The following PCDH9 variants were observed in gnomAD, a reference collection of about 807,000 sequenced individuals.
PCDH9 encodes the protein protocadherin 9.
Under a neutral mutation model 70.6 loss-of-function variants are expected in PCDH9, and 24 were observed. The observed-to-expected ratio is 0.34, with a 90% CI of 0.25 to 0.48. PCDH9 has a LOEUF of 0.48. Among genes scored for constraint, PCDH9 ranks in the 20% least tolerant of loss-of-function variants. PCDH9 has a pLI of 0.99. For synonymous variants in PCDH9, 562 were observed against 558.5 expected, an observed-to-expected ratio of 1.01 and a Z score of -0.09; for missense variants, 1,281 against 1,503.6, an observed-to-expected ratio of 0.85 and a Z score of 2.45.
chr13:66,818,445 T>C (rs1394925015), intron 3 of PCDH9, among the ~76,000 whole-genome samples: 1 of 152,114 alleles, frequency 6.6e-6, no homozygotes, highest in Non-Finnish European at 1.5e-5. Context: ...AGAAAAAGTG[T>C]TTATACAGAA....
intron 2 of PCDH9, among the ~76,000 whole-genome samples, chr13:66,988,053 T>A (rs868721947): frequency 2.0e-5 from 3 of 151,804 alleles, no homozygotes; most frequent in Admixed American, 6.6e-5. Flanking sequence ...TGTGTGGCAC[T>A]ATGGTCAGCT....
intron 3 of PCDH9, among the ~76,000 whole-genome samples, chr13:66,825,649 A>G (rs1335574058): frequency 1.3e-5 from 2 of 152,144 alleles, no homozygotes; most frequent in Admixed American, 1.3e-4. Context: ...ACTTTTAAAA[A>G]CTGTAATACA....
chr13:66,687,329 A>G (rs867524658), intron 3 of PCDH9, among the ~76,000 whole-genome samples: 1 of 152,116 alleles, frequency 6.6e-6, no homozygotes, highest in Admixed American at 6.5e-5. Flanking sequence ...TGCTTCATCA[A>G]TGTCTACTGG....
intron 2 of PCDH9, among the ~76,000 whole-genome samples, chr13:66,946,777 A>T (rs1456477358): frequency 5.9e-5 from 9 of 152,194 alleles, no homozygotes; most frequent in African/African-American, 2.2e-4. Context: ...AAAAATTCTA[A>T]TAGAATTTTA....
chr13:66,857,358 C>T (rs973469235), intron 3 of PCDH9, among the ~76,000 whole-genome samples: 8 of 152,082 alleles, frequency 5.3e-5, no homozygotes, highest in African/African-American at 1.9e-4. Flanking sequence ...ACTGAAATCC[C>T]TTAGAAAATA....
At chr13:67,218,894 T>A (rs1197465657) in intron 2 of PCDH9, 1 of 152,060 alleles carries the variant, frequency 6.6e-6, no homozygotes, top group African/African-American at 2.4e-5. Context: ...ATTTAAAACG[T>A]GATATGTGCT....
chr13:66,503,902 A>C (rs756203503), intron 4 of PCDH9, among the ~76,000 whole-genome samples: 1 of 152,202 alleles, frequency 6.6e-6, no homozygotes, highest in Non-Finnish European at 1.5e-5. Context: ...AAAAACTATT[A>C]AGTCAACAGA....
intron 2 of PCDH9, among the ~76,000 whole-genome samples, chr13:66,987,501 G>A (rs1175561642): frequency 6.6e-6 from 1 of 151,826 alleles, no homozygotes; most frequent in African/African-American, 2.4e-5. Context: ...TGAGTGAATT[G>A]CCACATTCAA....
intron 3 of PCDH9, among the ~76,000 whole-genome samples, chr13:66,792,078 A>G (rs1032396614): frequency 5.9e-5 from 9 of 152,212 alleles, no homozygotes. Context: ...TTCCAAGGGT[A>G]TATTAAGGCA....
Position 66,511,864 on chromosome 13 carries a change from C to T in PCDH9, c.3340+119346G>A, listed in dbSNP as rs372406774. 7.9e-5 allele frequency among the ~76,000 whole-genome samples: 12 copies of T among 152,072 alleles called. No homozygotes were observed. The East Asian group carries it at 2.1e-3, about 27-fold the overall frequency. Reference sequence around the variant, plus strand: ...CCCAAAAGCAAAAGCTGCTATGCTTCCTGTGCAACCTGTGGAACTGTCAGC... The same window carrying T: ...CCCAAAAGCAAAAGCTGCTATGCTTTCTGTGCAACCTGTGGAACTGTCAGC... On this transcript the variant is annotated intron_variant, in intron 4 of 4. Coordinates refer to ENST00000377865, the MANE Select transcript of PCDH9 (RefSeq NM_203487.3).
chr13:66,859,508 T>G (rs1423241785), intron 3 of PCDH9, among the ~76,000 whole-genome samples: 1 of 152,190 alleles, frequency 6.6e-6, no homozygotes, highest in African/African-American at 2.4e-5. Flanking sequence ...CATTCACTAT[T>G]TAAATGCTCA....
At chr13:66,319,401 A>AT (rs1955711937) in intron 4 of PCDH9, among the ~76,000 whole-genome samples, 1 of 152,060 alleles carries the variant, frequency 6.6e-6, no homozygotes, top group African/African-American at 2.4e-5. Flanking sequence ...GATGAATTTG[A>AT]CTTTGTGGTA....
At chr13:66,338,156 C>T (rs1042278945) in intron 4 of PCDH9, among the ~76,000 whole-genome samples, 8 of 152,048 alleles carry the variant, frequency 5.3e-5, no homozygotes, top group African/African-American at 1.4e-4. Flanking sequence ...AACACATGAA[C>T]GAAATCATGT....
chr13:67,158,164 T>C (rs1020361393), intron 2 of PCDH9, among the ~76,000 whole-genome samples: 6 of 152,178 alleles, frequency 3.9e-5, no homozygotes, highest in Admixed American at 6.5e-5. Flanking sequence ...TGAGAGATAT[T>C]ATAAAGGCAT....
Position 66,519,441 on chromosome 13 carries a change from A to C in PCDH9, c.3340+111769T>G, listed in dbSNP as rs568862599. On this transcript the variant is annotated intron_variant, in intron 4 of 4. Transcript: ENST00000377865. Reference sequence around the variant, plus strand: ...TGACCATCAACGGAAGAGGCAGACGAGCACTCTTTATAATCTCAGGCCTGC... The same window carrying C: ...TGACCATCAACGGAAGAGGCAGACGCGCACTCTTTATAATCTCAGGCCTGC... Among the ~76,000 whole-genome samples the C allele has an allele frequency of 8.5e-5, 13 of 152,260 alleles. No individual in the cohort carries two copies. The East Asian group carries it at 2.1e-3, about 25-fold the overall frequency.
rs2080595878 is a variant in PCDH9 at position 66,815,861 on chromosome 13, T to TACATATCA, written c.3138+87642_3138+87643insTGATATGT. ...AAATAATCTGTACATCAAACCCCTG[T>TACATATCA]GATATGTAATTTAGCTATATAACAA... On this transcript the variant is annotated intron_variant, in intron 3 of 4. Coordinates refer to ENST00000377865, the MANE Select transcript of PCDH9 (RefSeq NM_203487.3). Among the ~76,000 whole-genome samples, 3 of 152,248 alleles carry TACATATCA rather than the reference T, an allele frequency of 2.0e-5. No individual in the cohort carries two copies. In the South Asian group the frequency reaches 6.2e-4, roughly 32 times the overall value.
chr13:66,680,803 A>G (rs2078308709), intron 3 of PCDH9, among the ~76,000 whole-genome samples: 1 of 152,062 alleles, frequency 6.6e-6, no homozygotes, highest in Non-Finnish European at 1.5e-5. Context: ...AGGAAATATG[A>G]TTAATATAAA....
At chr13:66,851,575 T>TCACACACACACACACACACA (rs59674873) in intron 3 of PCDH9, among the ~76,000 whole-genome samples, 1 of 146,740 alleles carries the variant, frequency 6.8e-6, no homozygotes, top group African/African-American at 2.5e-5. Context: ...CGCATCACCC[T>TCACACACACACACACACACA]CACACACACA....
In PCDH9 at chr13:67,225,494, G is replaced by A. The variant is rs2089833983; in HGVS notation, c.2947C>T (p.Arg983Cys). Residue 983 changes from arginine to cysteine, a missense_variant, in exon 2 of 5, where the codon CGC becomes TGC. By Grantham distance (180) the Arg-to-Cys change is radical. Coordinates refer to ENST00000377865, the MANE Select transcript of PCDH9 (RefSeq NM_203487.3). Reference sequence around the variant, plus strand: ...AAGTGATCTGAACTAGTGGAAGAGCGTTTAGAAAGGGTGTCACAACCCCCA... The same window carrying A: ...AAGTGATCTGAACTAGTGGAAGAGCATTTAGAAAGGGTGTCACAACCCCCA... ...FVGGCDTLSK[R>C]SSTSSDHFSA... 2.5e-6 allele frequency: 4 copies of A among 1,613,958 alleles called. No individual in the cohort carries two copies. The highest frequency in any genetic ancestry group is 1.1e-5 in the South Asian group (1 of 91,084).
Sources: allele counts gnomAD v4.1 joint callset (sites outside exome capture counted in the v4.1 genomes callset), GRCh38; gene constraint gnomAD v4.1.1; transcripts MANE v1.5; gene names NCBI Gene and HGNC (gene_info 2026-07-23, HGNC 2026-07-21).